Variants in SLC6A13 observed in about 807,000 individuals in gnomAD.
SLC6A13 encodes solute carrier family 6 member 13, also known as sodium- and chloride-dependent GABA transporter 2.
SLC6A13 carries 69 observed loss-of-function variants against 72.9 expected under a neutral mutation model. The ratio of observed to expected loss-of-function variants is 0.95; its 90% CI spans 0.78 to 1.16. SLC6A13 has a LOEUF of 1.16. Ranked by LOEUF, SLC6A13 falls within the 50% of genes most tolerant of loss-of-function variation. The pLI is 0.00. For missense variants in SLC6A13, 735 were observed against 760.5 expected, an observed-to-expected ratio of 0.97 and a Z score of 0.39; for synonymous variants, 303 against 303.0, an observed-to-expected ratio of 1.00 and a Z score of 0.00.
intron 9 of SLC6A13, 78 bp downstream of exon 9, chr12:226,312 A>G: frequency 6.3e-7 from 1 of 1,578,208 alleles, no homozygotes; most frequent in Non-Finnish European, 8.7e-7. Flanking sequence ...AGGTGACACA[A>G]TGGAAACGCC....
At position 241,469 on chromosome 12, in the gene SLC6A13, G is replaced by A. The variant is rs773753534; in HGVS notation, c.478+1145C>T. Among the ~76,000 whole-genome samples the A allele has an allele frequency of 7.2e-5, 11 of 152,088 alleles. No homozygotes were observed. In the East Asian group the frequency reaches 7.7e-4, roughly 11 times the overall value. ...GTCCACCGTGCTCTCCAGCCATGCCGTCCGACAGGGCAGCCACGAGCCACC... is the reference window on the plus strand; with the variant it reads ...GTCCACCGTGCTCTCCAGCCATGCCATCCGACAGGGCAGCCACGAGCCACC... On this transcript the variant is annotated intron_variant, in intron 4 of 14. Coordinates refer to ENST00000343164, the MANE Select transcript of SLC6A13 (RefSeq NM_016615.5).
At chr12:255,020 C>T (rs2137317972) in intron 2 of SLC6A13, among the ~76,000 whole-genome samples, 1 of 152,270 alleles carries the variant, frequency 6.6e-6, no homozygotes, top group South Asian at 2.1e-4. Flanking sequence ...AACACAAAAC[C>T]TTGCTCCCTT....
intron 7 of SLC6A13, among the ~76,000 whole-genome samples, chr12:229,900 G>A (rs976804747): frequency 6.6e-5 from 10 of 152,254 alleles, no homozygotes; most frequent in South Asian, 2.1e-4. Flanking sequence ...GTGGGAGGTC[G>A]GAGTGGGGTC....
chr12:246,132 A>AAAATAAATGAAT (rs374765064), intron 2 of SLC6A13, among the ~76,000 whole-genome samples: 188 of 147,004 alleles, frequency 1.3e-3, no homozygotes, highest in East Asian at 4.0e-3. Context: ...AATAAAAGTA[A>AAAATAAATGAAT]AAATAAATAA....
At chr12:249,240 AAAAG>A (rs1942459059) in intron 2 of SLC6A13, among the ~76,000 whole-genome samples, 1 of 152,266 alleles carries the variant, frequency 6.6e-6, no homozygotes, top group East Asian at 1.9e-4. Flanking sequence ...AGTTAAGAAA[AAAAG>A]AAAGAAAGAA....
rs141622949 is a variant in SLC6A13, at chr12:252,216, G to A, written c.202+7635C>T. On this transcript the variant is annotated intron_variant, in intron 2 of 14. Coordinates refer to ENST00000343164, the MANE Select transcript of SLC6A13 (RefSeq NM_016615.5). ...AAGAAACGCAAACTAAGGTATGGTGGTATCACAATTTTCATAATTATCAAC... is the reference window on the plus strand; with the variant it reads ...AAGAAACGCAAACTAAGGTATGGTGATATCACAATTTTCATAATTATCAAC... Among the ~76,000 whole-genome samples, 227 of 152,136 alleles carry A rather than the reference G, an allele frequency of 1.5e-3. 2 individuals carry two copies. Among genetic ancestry groups the A allele is most frequent in the Non-Finnish European group, 2.5e-3 (170 of 67,992 alleles).
rs976139899 is a variant in SLC6A13, at chr12:257,855, C to T, written c.202+1996G>A. Among the ~76,000 whole-genome samples the T allele has an allele frequency of 2.0e-5, 3 of 152,224 alleles. No homozygotes were observed. The East Asian group carries it at 5.8e-4, about 29-fold the overall frequency. ...AGGCAATCTCTCCCACCTCTTCGTG[C>T]CATTCCTGCTAATTCCCAGGCCAAC... On this transcript the variant is annotated intron_variant, in intron 2 of 14. Coordinates refer to ENST00000343164, the MANE Select transcript of SLC6A13 (RefSeq NM_016615.5).
At chr12:234,556 T>C (rs1261399783) in intron 7 of SLC6A13, among the ~76,000 whole-genome samples, 9 of 152,172 alleles carry the variant, frequency 5.9e-5, no homozygotes, top group Non-Finnish European at 8.8e-5. Context: ...CTCACTCTGT[T>C]GCCCAGGCTA....
intron 5 of SLC6A13, 151 bp downstream of exon 5, chr12:237,775 C>T: frequency 1.5e-6 from 1 of 649,188 alleles, no homozygotes; most frequent in Non-Finnish European, 2.7e-6. Context: ...ACCAGTCCTG[C>T]AATAACCACA....
At chr12:223,693 A>G in intron 11 of SLC6A13, 1 of 394,364 alleles carries the variant, frequency 2.5e-6, no homozygotes, top group South Asian at 3.8e-5. Flanking sequence ...TGCCTGGGAA[A>G]TCACCAGATC....
intron 4 of SLC6A13, among the ~76,000 whole-genome samples, chr12:240,720 A>T (rs942711339): frequency 6.6e-6 from 1 of 152,252 alleles, no homozygotes; most frequent in Non-Finnish European, 1.5e-5. Context: ...TGCAGGTGCT[A>T]CCAGACACAT....
chr12:248,035 CAGG>C (rs920399302), intron 2 of SLC6A13, among the ~76,000 whole-genome samples: 1 of 151,096 alleles, frequency 6.6e-6, no homozygotes, highest in Non-Finnish European at 1.5e-5. Flanking sequence ...AAAAAAAAAG[CAGG>C]AGGAGAGGGA....
intron 8 of SLC6A13, among the ~76,000 whole-genome samples, chr12:227,211 T>C (rs954664760): frequency 6.6e-6 from 1 of 151,566 alleles, no homozygotes; most frequent in Non-Finnish European, 1.5e-5. Flanking sequence ...CAGTTTTTTT[T>C]CTCTCATCAA....
chr12:228,182 C>A (rs927205590), intron 7 of SLC6A13, among the ~76,000 whole-genome samples: 3 of 152,040 alleles, frequency 2.0e-5, no homozygotes, highest in African/African-American at 7.2e-5. Flanking sequence ...AAAGGACGAA[C>A]AGAAACACCT....
intron 1 of SLC6A13, 108 bp from the exon 2 acceptor site, chr12:260,165 G>A: frequency 8.3e-7 from 1 of 1,200,530 alleles, no homozygotes; most frequent in Non-Finnish European, 1.2e-6. Context: ...TGGAAGAGGT[G>A]AATTTCTATT....
chr12:243,670 G>A lies in SLC6A13; in HGVS notation c.337+9C>T, dbSNP rs1026809822. 7 of 1,613,374 alleles carry A rather than the reference G, an allele frequency of 4.3e-6. No individual in the cohort carries two copies. The highest frequency in any genetic ancestry group is 3.3e-5 in the Admixed American group (2 of 59,896). ...AAGACGCTTTGGAGTCAGGTACAGA[G>A]CTACTCACCCTCAAAGATGGGGCAG... On this transcript the variant is annotated intron_variant, in intron 3 of 14. Transcript: ENST00000343164.
Position 220,990 on chromosome 12 carries a change from CCT to C in SLC6A13, c.1765_1766del (p.Arg589AspfsTer51). The C allele has an allele frequency of 6.2e-7, 1 of 1,613,116 alleles. No individual in the cohort carries two copies. Among genetic ancestry groups the C allele is most frequent in the Non-Finnish European group, 8.5e-7 (1 of 1,179,924 alleles). On this transcript the variant is annotated frameshift_variant, in exon 15 of 15. Coordinates refer to ENST00000343164, the MANE Select transcript of SLC6A13 (RefSeq NM_016615.5). LOFTEE classifies it high-confidence loss of function. ...PAGPSAPATPRTSLLRLTELE... is the reference protein window; with the variant it reads ...PAGPSAPATPXTSLLRLTELE... ...GCTCTGTGAGTCTGAGCAGTGAGGT[CCT>C]GGGGGTGGCGGGAGCCGAGGGTCCT...
chr12:232,023 C>G (rs1158091516), intron 7 of SLC6A13, among the ~76,000 whole-genome samples: 1 of 152,194 alleles, frequency 6.6e-6, no homozygotes, highest in African/African-American at 2.4e-5. Flanking sequence ...GCTCTCTAGG[C>G]CTTAATGTCC....
chr12:231,733 T>C (rs1340190725), intron 7 of SLC6A13, among the ~76,000 whole-genome samples: 4 of 152,244 alleles, frequency 2.6e-5, no homozygotes, highest in Admixed American at 1.3e-4. Context: ...CAGAGACTTA[T>C]GGCCTCATTA....
Sources: allele counts gnomAD v4.1 joint callset (sites outside exome capture counted in the v4.1 genomes callset), GRCh38; gene constraint gnomAD v4.1.1; transcripts MANE v1.5; gene names NCBI Gene and HGNC (gene_info 2026-07-23, HGNC 2026-07-21).